The following PRELID2 variants were observed in gnomAD, a reference collection of about 807,000 sequenced individuals.
The protein encoded by PRELID2 is PRELI domain containing 2.
PRELID2 carries 25 observed loss-of-function variants against 28.4 expected under a neutral mutation model. That is an observed-to-expected ratio of 0.88 (90% confidence interval 0.64 to 1.23). The LOEUF is 1.23. Ranked by LOEUF, PRELID2 falls within the 50% of genes most tolerant of loss-of-function variation. The pLI is 0.00. For missense variants in PRELID2, 201 were observed against 214.4 expected, an observed-to-expected ratio of 0.94 and a Z score of 0.39; for synonymous variants, 76 against 71.6, an observed-to-expected ratio of 1.06 and a Z score of -0.31.
intron 5 of PRELID2, chr5:145,795,076 T>TA (rs954235700): frequency 3.3e-5 from 5 of 152,250 alleles, no homozygotes; most frequent in Middle Eastern, 3.4e-3. Flanking sequence ...AGCTGTATTA[T>TA]AAAAAAATTC....
chr5:145,311,692 A>G, the PRELID2 span, among the ~76,000 whole-genome samples: 3 of 152,188 alleles, frequency 2.0e-5, no homozygotes, highest in African/African-American at 7.2e-5. Context: ...AGCATGGTAA[A>G]CAAACATTCT....
chr5:145,392,378 A>G, the PRELID2 span, among the ~76,000 whole-genome samples: 5 of 152,066 alleles, frequency 3.3e-5, no homozygotes, highest in Admixed American at 6.6e-5. Context: ...GGAACTCACT[A>G]TCAAGAGAAC....
At chr5:145,390,110 G>A in the PRELID2 span, among the ~76,000 whole-genome samples, 1 of 152,150 alleles carries the variant, frequency 6.6e-6, no homozygotes, top group Admixed American at 6.5e-5. Context: ...ATGGAGGTAA[G>A]GACAGTGGAA....
intron 1 of PRELID2, among the ~76,000 whole-genome samples, chr5:145,546,992 G>A (rs1448740409): frequency 1.3e-5 from 2 of 152,150 alleles, no homozygotes; most frequent in African/African-American, 4.8e-5. Context: ...GGCTTTACAT[G>A]AGGATTAAAT....
rs10039119 is a variant in PRELID2, at chr5:145,796,049, A to G, written c.474+393T>C. 879 of 153,198 alleles carry G rather than the reference A, an allele frequency of 5.7e-3. 9 individuals carry two copies. The highest frequency in any genetic ancestry group is 0.02 in the African/African-American group (840 of 41,470). 9.5% of individuals were successfully genotyped at this position (153,198 alleles called of 1,614,324 possible). A position where few individuals can be genotyped will look rare whatever the true frequency, so the allele number is the denominator to read the frequency against. The stretch of plus-strand genomic sequence containing the variant: ...TCCTGCAAAGGTTTGTGAGGATTCA[A>G]TGAGTTAATAATACAAATTCTTTTA... On this transcript the variant is annotated intron_variant, in intron 5 of 6. Coordinates refer to ENST00000683046, the MANE Select transcript of PRELID2 (RefSeq NM_205846.3).
At chr5:145,775,477 T>C (rs960091695) in intron 5 of PRELID2, among the ~76,000 whole-genome samples, 11 of 152,152 alleles carry the variant, frequency 7.2e-5, no homozygotes, top group Non-Finnish European at 1.5e-5. Context: ...GTTCTTGAAA[T>C]TGCCATAAGA....
rs1171062465 is a variant in PRELID2, at chr5:145,515,977, G to A, written n.71-42662C>T. On this transcript the variant is annotated intron_variant and non_coding_transcript_variant, in intron 1 of 2. Coordinates refer to the PRELID2 transcript ENST00000510259. ...AAAAACTCTCAATAAACTAGGTATCGATGGAGTGTATCTCAAAATAATAAG... is the reference window on the plus strand; with the variant it reads ...AAAAACTCTCAATAAACTAGGTATCAATGGAGTGTATCTCAAAATAATAAG... Among the ~76,000 whole-genome samples, 4 of 152,218 alleles carry A rather than the reference G, an allele frequency of 2.6e-5. No individual in the cohort carries two copies. In the South Asian group the frequency reaches 6.2e-4, roughly 24 times the overall value.
At chr5:145,240,292 T>C in the PRELID2 span, among the ~76,000 whole-genome samples, 1 of 151,922 alleles carries the variant, frequency 6.6e-6, no homozygotes, top group Admixed American at 6.6e-5. Flanking sequence ...TATTAGAAAA[T>C]AAAAATAAGC....
chr5:145,405,899 G>A, the PRELID2 span, among the ~76,000 whole-genome samples: 1 of 151,768 alleles, frequency 6.6e-6, no homozygotes, highest in Admixed American at 6.6e-5. Context: ...TAGAGACGGG[G>A]TTTCACCGTT....
downstream of PRELID2, among the ~76,000 whole-genome samples, chr5:145,471,591 ATTTT>A (rs879882385): frequency 2.7e-5 from 4 of 146,966 alleles, no homozygotes; most frequent in East Asian, 7.9e-4. Context: ...TAACACACAC[ATTTT>A]TTTTTTTACA....
At chr5:145,318,900 T>C in the PRELID2 span, among the ~76,000 whole-genome samples, 1 of 152,152 alleles carries the variant, frequency 6.6e-6, no homozygotes, top group Non-Finnish European at 1.5e-5. Context: ...TATTGCTGGA[T>C]GGAGGTGGCT....
At chr5:145,816,648 GATATCCAGTT>G (rs1754326189) in intron 4 of PRELID2, among the ~76,000 whole-genome samples, 1 of 151,962 alleles carries the variant, frequency 6.6e-6, no homozygotes, top group African/African-American at 2.4e-5. Flanking sequence ...TTCGTATGTG[GATATCCAGTT>G]ATCTCAGCAC....
intron 1 of PRELID2, among the ~76,000 whole-genome samples, chr5:145,601,001 A>G (rs1753388328): frequency 6.6e-6 from 1 of 152,086 alleles, no homozygotes; most frequent in Non-Finnish European, 1.5e-5. Context: ...ATAAAATTTA[A>G]AAAAATAAAT....
chr5:145,332,997 T>C, the PRELID2 span, among the ~76,000 whole-genome samples: 1 of 152,236 alleles, frequency 6.6e-6, no homozygotes, highest in Non-Finnish European at 1.5e-5. Context: ...CCTTTCTGTT[T>C]GTTAGTTTTC....
the PRELID2 span, among the ~76,000 whole-genome samples, chr5:145,310,417 CCTTT>C: frequency 2.6e-5 from 4 of 152,270 alleles, no homozygotes; most frequent in South Asian, 4.1e-4. Context: ...CCTTTGGAGA[CCTTT>C]CTAAGTGGCC....
At chr5:145,768,421 T>C (rs1757907214) in intron 5 of PRELID2, among the ~76,000 whole-genome samples, 1 of 152,146 alleles carries the variant, frequency 6.6e-6, no homozygotes, top group African/African-American at 2.4e-5. Context: ...GATTAAATGG[T>C]GAATGAACAA....
the PRELID2 span, among the ~76,000 whole-genome samples, chr5:145,267,665 G>A: frequency 2.6e-5 from 4 of 152,028 alleles, no homozygotes; most frequent in Admixed American, 6.6e-5. Context: ...TTTCTTTTAG[G>A]TATATACCTA....
chr5:145,798,129 A>T (rs1752887332), intron 4 of PRELID2, among the ~76,000 whole-genome samples: 1 of 151,944 alleles, frequency 6.6e-6, no homozygotes, highest in Non-Finnish European at 1.5e-5. Context: ...GATCAAGCAG[A>T]AGAATCAGCA....
At chr5:145,591,187 T>C (rs1413262302) in intron 1 of PRELID2, among the ~76,000 whole-genome samples, 1 of 151,620 alleles carries the variant, frequency 6.6e-6, no homozygotes, top group Non-Finnish European at 1.5e-5. Flanking sequence ...TCCCAGCTAC[T>C]CAAGAGACTG....
Sources: allele counts gnomAD v4.1 joint callset (sites outside exome capture counted in the v4.1 genomes callset), GRCh38; gene constraint gnomAD v4.1.1; transcripts MANE v1.5; gene names NCBI Gene and HGNC (gene_info 2026-07-23, HGNC 2026-07-21).